The following ZDHHC20 variants were observed in gnomAD, a reference collection of about 807,000 sequenced individuals.
ZDHHC20 encodes the protein palmitoyltransferase ZDHHC20.
In ZDHHC20, 43 loss-of-function variants were observed where a neutral mutation model predicts 57.8. The observed-to-expected ratio is 0.74, with a 90% confidence interval of 0.58 to 0.96. The LOEUF (loss-of-function observed/expected upper bound fraction) is 0.96, where lower values mean the gene tolerates loss of function less well. Among genes scored for constraint, ZDHHC20 ranks in the 40% least tolerant of loss-of-function variants. The pLI, the probability that ZDHHC20 is intolerant of heterozygous loss-of-function variation, is 0.00. For missense variants in ZDHHC20, 391 were observed against 441.1 expected, an observed-to-expected ratio of 0.89 and a Z score of 1.02; for synonymous variants, 157 against 153.0, an observed-to-expected ratio of 1.03 and a Z score of -0.19.
At chr13:21,449,133 T>C (rs888924726) in intron 1 of ZDHHC20, among the ~76,000 whole-genome samples, 80 of 143,916 alleles carry the variant, frequency 5.6e-4, no homozygotes, top group Middle Eastern at 3.4e-3. Flanking sequence ...TGTTCACTTG[T>C]TTATCTGCTG....
At chr13:21,430,123 G>A (rs1451002295) in intron 1 of ZDHHC20, among the ~76,000 whole-genome samples, 1 of 151,970 alleles carries the variant, frequency 6.6e-6, no homozygotes, top group Non-Finnish European at 1.5e-5. Context: ...TTCTTGGTAG[G>A]ATGGATGGTT....
At chr13:21,441,607 G>A (rs563082875) in intron 1 of ZDHHC20, among the ~76,000 whole-genome samples, 36 of 117,358 alleles carry the variant, frequency 3.1e-4, no homozygotes, top group African/African-American at 1.1e-3. Flanking sequence ...GTTTCACCGT[G>A]TTAGCCAGGA....
At chr13:21,407,276 G>A (rs990453134) in intron 4 of ZDHHC20, among the ~76,000 whole-genome samples, 1 of 152,074 alleles carries the variant, frequency 6.6e-6, no homozygotes, top group Non-Finnish European at 1.5e-5. Context: ...TTATAGGTGT[G>A]AGCCACCACA....
At chr13:21,382,041 A>C in intron 10 of ZDHHC20, 2 of 440,056 alleles carry the variant, frequency 4.5e-6, no homozygotes, top group South Asian at 3.2e-5. Flanking sequence ...AAGGAAGAGG[A>C]AAAGGAAACT....
intron 1 of ZDHHC20, among the ~76,000 whole-genome samples, chr13:21,452,358 T>C (rs960400298): frequency 3.9e-5 from 6 of 152,194 alleles, no homozygotes; most frequent in African/African-American, 1.2e-4. Flanking sequence ...ATGCAAACTA[T>C]GTCTCGATCA....
chr13:21,416,689 C>T (rs1880020429), intron 3 of ZDHHC20, among the ~76,000 whole-genome samples: 1 of 152,028 alleles, frequency 6.6e-6, no homozygotes, highest in African/African-American at 2.4e-5. Flanking sequence ...GGCAGTGTAC[C>T]TAAGTTTTGA....
chr13:21,409,230 T>C (rs564710975), intron 4 of ZDHHC20, among the ~76,000 whole-genome samples: 15 of 152,334 alleles, frequency 9.8e-5, no homozygotes, highest in Non-Finnish European at 1.8e-4. Flanking sequence ...TGTGAATCCG[T>C]CTGGTCCTGG....
At position 21,387,583 on chromosome 13, in the gene ZDHHC20, G is replaced by A; in HGVS notation, c.779C>T (p.Ser260Phe). 6.6e-7 allele frequency: 1 copy of A among 1,517,388 alleles called. No homozygotes were observed. The allele number at this position is 1,517,388 out of a possible 1,614,324, so 94.0% of individuals were successfully genotyped here. Reference protein sequence around the residue: ...FSYGPDGNGFSLGCSKNWRQV... With the variant: ...FSYGPDGNGFFLGCSKNWRQV... ...TCTCCAATTTTTACTGCATCCAAGAGAGAAACCATTTCCATCAGGTCCGTA... is the reference window on the plus strand; with the variant it reads ...TCTCCAATTTTTACTGCATCCAAGAAAGAAACCATTTCCATCAGGTCCGTA... The change falls in exon 9 of 13, where the codon TCT becomes TTT. Residue 260 changes from serine (S) to phenylalanine (F), a missense_variant. Around this residue, in one of 3 missense-constraint regions of ZDHHC20, gnomAD observed 197 missense variants for 220.8 expected, o/e 0.89. Transcript: ENST00000400590.
intron 6 of ZDHHC20, 121 bp from the exon 7 acceptor site, chr13:21,400,614 C>T (rs369975931): frequency 3.9e-5 from 38 of 968,006 alleles, no homozygotes; most frequent in Non-Finnish European, 5.1e-5. Flanking sequence ...CTTTTTAATG[C>T]GAATAAAATT....
chr13:21,391,609 A>T, intron 8 of ZDHHC20, 113 bp downstream of exon 8: 1 of 1,178,386 alleles, frequency 8.5e-7, no homozygotes, highest in East Asian at 2.7e-5. Context: ...CACCAATTCC[A>T]GAGTCAGAAT....
intron 1 of ZDHHC20, among the ~76,000 whole-genome samples, chr13:21,427,460 A>T (rs550469705): frequency 1.3e-5 from 2 of 152,270 alleles, no homozygotes; most frequent in Admixed American, 1.3e-4. Flanking sequence ...TTAAAATAAC[A>T]TCTAGCTAAT....
At chr13:21,405,923 A>G (rs868322370) in intron 4 of ZDHHC20, among the ~76,000 whole-genome samples, 2 of 152,356 alleles carry the variant, frequency 1.3e-5, no homozygotes, top group Middle Eastern at 3.4e-3. Flanking sequence ...CTGAACTCAG[A>G]ACATACAAAT....
chr13:21,393,204 T>TTTA (rs1300908566), intron 7 of ZDHHC20, among the ~76,000 whole-genome samples: 1 of 151,264 alleles, frequency 6.6e-6, no homozygotes, highest in African/African-American at 2.4e-5. Flanking sequence ...TTTTTTTTTT[T>TTTA]AAAGATACAA....
intron 7 of ZDHHC20, among the ~76,000 whole-genome samples, chr13:21,398,326 A>T (rs1877118291): frequency 6.6e-6 from 1 of 151,964 alleles, no homozygotes; most frequent in Admixed American, 6.6e-5. Context: ...TAGCCGGGCG[A>T]GGTGCCGGGT....
chr13:21,373,690 G>A lies in ZDHHC20; in HGVS notation c.*3006C>T, dbSNP rs1202319384. On this transcript the variant is annotated 3_prime_UTR_variant, in exon 13 of 13. Coordinates refer to ENST00000400590, the MANE Select transcript of ZDHHC20 (RefSeq NM_001330059.2). ...TTTTCTTAAGGTGTCATCACAAAGT[G>A]TTTGAAGGACCAAAGATAGTACTTC... 1 of 152,194 alleles carries A rather than the reference G, an allele frequency of 6.6e-6. No homozygotes were observed. The highest frequency in any genetic ancestry group is 1.5e-5 in the Non-Finnish European group (1 of 68,034). 9.4% of individuals were successfully genotyped at this position (152,194 alleles called of 1,614,324 possible). A position where few individuals can be genotyped will look rare whatever the true frequency, so the allele number is the denominator to read the frequency against.
intron 1 of ZDHHC20, among the ~76,000 whole-genome samples, chr13:21,456,497 A>T (rs181199486): frequency 6.6e-6 from 1 of 152,356 alleles, no homozygotes; most frequent in Admixed American, 6.5e-5. Context: ...CCTCCATTTA[A>T]GTCCTCCTAT....
intron 1 of ZDHHC20, among the ~76,000 whole-genome samples, chr13:21,440,376 C>T (rs558992774): frequency 2.6e-5 from 4 of 151,644 alleles, no homozygotes; most frequent in African/African-American, 9.7e-5. Flanking sequence ...TTTGGGAGGC[C>T]GAGGCGGGTG....
chr13:21,382,133 T>C (rs34505526), intron 10 of ZDHHC20: 4,327 of 307,892 alleles, frequency 0.014, 57 homozygotes, highest in Middle Eastern at 0.021. Flanking sequence ...AAATAAACTT[T>C]GGTGGTAAGT....
intron 1 of ZDHHC20, among the ~76,000 whole-genome samples, chr13:21,452,649 A>G (rs1224760252): frequency 6.6e-6 from 1 of 152,214 alleles, no homozygotes; most frequent in Non-Finnish European, 1.5e-5. Flanking sequence ...GAGGTTTACA[A>G]CATATAAAAT....
Sources: gnomAD v4.1 joint callset for allele counts (sites outside exome capture counted in the v4.1 genomes callset) on GRCh38, gnomAD v4.1.1 for gene constraint, gnomAD v4.1.1 regional missense constraint, MANE v1.5 for transcripts, NCBI Gene and HGNC (gene_info 2026-07-23, HGNC 2026-07-21) for gene names.